Variants in UXS1 observed in about 807,000 individuals in gnomAD.
UXS1 encodes the protein UDP-glucuronate decarboxylase 1, also known as UDP-glucuronic acid decarboxylase 1.
UXS1 carries 33 observed loss-of-function variants against 62.6 expected under a neutral mutation model. The observed-to-expected ratio is 0.53, with a 90% CI of 0.40 to 0.70. The LOEUF (loss-of-function observed/expected upper bound fraction) is 0.70, where lower values mean the gene tolerates loss of function less well. UXS1 is among the 30% of genes least tolerant of loss of function. The probability of loss-of-function intolerance (pLI) is 0.00; values close to 1 mark genes in which losing one functional copy is unlikely to be tolerated. For missense variants in UXS1, 434 were observed against 556.3 expected (o/e 0.78, Z 2.21); for synonymous variants, 213 against 206.8 (o/e 1.03, Z -0.26).
intron 10 of UXS1, among the ~76,000 whole-genome samples, chr2:106,106,963 A>C (rs1355394198): frequency 2.0e-5 from 3 of 152,210 alleles, no homozygotes; most frequent in African/African-American, 7.2e-5. Context: ...TATTGTGTTC[A>C]TAATTTCAGA....
chr2:106,107,102 G>C (rs79893905), intron 10 of UXS1, among the ~76,000 whole-genome samples: 3,078 of 152,234 alleles, frequency 0.02, 45 homozygotes, highest in East Asian at 0.064. Context: ...TCCACAGGTG[G>C]GTTTGGGGCT....
chr2:106,098,472 C>T (rs1677311385), intron 13 of UXS1, among the ~76,000 whole-genome samples: 1 of 152,182 alleles, frequency 6.6e-6, no homozygotes, highest in Non-Finnish European at 1.5e-5. Flanking sequence ...ACACTGGGAG[C>T]AAATCTCCTC....
intron 12 of UXS1, among the ~76,000 whole-genome samples, chr2:106,099,543 G>A (rs1005069198): frequency 6.6e-6 from 1 of 152,132 alleles, no homozygotes; most frequent in African/African-American, 2.4e-5. Context: ...GAAGTGGAGT[G>A]ACGGAAATTT....
At position 106,166,043 on chromosome 2, in the gene UXS1, T is replaced by C; in HGVS notation, c.122+13A>G. The C allele has an allele frequency of 6.2e-7, 1 of 1,610,010 alleles. No homozygotes were observed. Among genetic ancestry groups the C allele is most frequent in the Non-Finnish European group, 8.5e-7 (1 of 1,178,422 alleles). On this transcript the variant is annotated intron_variant, in intron 2 of 14. Coordinates refer to ENST00000283148, the MANE Select transcript of UXS1 (RefSeq NM_001253875.2). ...AATCCAACCACAGTACCCAAGTAAT[T>C]AAAAACAATTACCTCATATTAACGA...
chr2:106,171,027 G>C (rs1265745218), intron 1 of UXS1, among the ~76,000 whole-genome samples: 2 of 152,126 alleles, frequency 1.3e-5, no homozygotes, highest in Non-Finnish European at 2.9e-5. Flanking sequence ...TATTGACAAA[G>C]GGCTTATAAC....
Position 106,112,419 on chromosome 2 carries a change from C to T in UXS1, c.879+227G>A, listed in dbSNP as rs566659993. ...AGGCAGGCAGACCTGGAGGCATGGGCAGGGACCCCAGTGGCCATGGAGGGC... is the reference window on the plus strand; with the variant it reads ...AGGCAGGCAGACCTGGAGGCATGGGTAGGGACCCCAGTGGCCATGGAGGGC... On this transcript the variant is annotated intron_variant, in intron 10 of 14. Transcript: ENST00000283148. Among the ~76,000 whole-genome samples, 4 of 152,338 alleles carry T rather than the reference C, an allele frequency of 2.6e-5. No individual in the cohort carries two copies. In the South Asian group the frequency reaches 8.3e-4, roughly 32 times the overall value.
chr2:106,193,462 T>A (rs1175727804), intron 1 of UXS1, among the ~76,000 whole-genome samples: 3 of 152,046 alleles, frequency 2.0e-5, no homozygotes, highest in African/African-American at 7.2e-5. Flanking sequence ...GGCAGCATGC[T>A]GTGAGCGATG....
chr2:106,138,053 G>T, intron 6 of UXS1: 1 of 400,278 alleles, frequency 2.5e-6, no homozygotes. Context: ...TTACTCTTGA[G>T]GTGACAAGGT....
At chr2:106,144,578 G>A (rs1259794055) in intron 6 of UXS1, among the ~76,000 whole-genome samples, 1 of 152,196 alleles carries the variant, frequency 6.6e-6, no homozygotes, top group Admixed American at 6.5e-5. Context: ...TTTCTCTGGT[G>A]AATTAACATG....
intron 6 of UXS1, chr2:106,138,090 T>TAAAG: frequency 1.2e-6 from 1 of 824,778 alleles, no homozygotes; most frequent in African/African-American, 1.8e-5. Flanking sequence ...GAAACTGCAT[T>TAAAG]AAAGGCTAAG....
At chr2:106,117,146 A>T (rs1679122810) in intron 9 of UXS1, among the ~76,000 whole-genome samples, 1 of 152,154 alleles carries the variant, frequency 6.6e-6, no homozygotes. Context: ...GGGCTGTTCC[A>T]GTGGTCCCAG....
rs79888345 is a variant in UXS1 at position 106,184,797 on chromosome 2, G to A, written c.94+9351C>T. On this transcript the variant is annotated intron_variant, in intron 1 of 14. Coordinates refer to ENST00000283148, the MANE Select transcript of UXS1 (RefSeq NM_001253875.2). ...AACATTCAGATCACAGCACTGGCCT[G>A]TACAGAAGTACCATACATATCATAT... Among the ~76,000 whole-genome samples, 853 of 152,262 alleles carry A rather than the reference G, an allele frequency of 5.6e-3. 6 individuals are homozygous for A. Among genetic ancestry groups the A allele is most frequent in the Non-Finnish European group, 8.5e-3 (576 of 68,026 alleles).
At chr2:106,158,740 C>T (rs1393594124) in intron 4 of UXS1, among the ~76,000 whole-genome samples, 2 of 152,204 alleles carry the variant, frequency 1.3e-5, no homozygotes, top group African/African-American at 4.8e-5. Context: ...AACTGCTTAG[C>T]TTAGCTGGCT....
At chr2:106,171,700 TG>T (rs957875143) in intron 1 of UXS1, among the ~76,000 whole-genome samples, 27 of 152,258 alleles carry the variant, frequency 1.8e-4, no homozygotes, top group African/African-American at 6.5e-4. Flanking sequence ...GTTACAAGGC[TG>T]GATCAGGCAA....
At chr2:106,107,450 G>C (rs7594285) in intron 10 of UXS1, among the ~76,000 whole-genome samples, 112,500 of 152,080 alleles carry the variant, frequency 0.74, 41,903 homozygotes, top group South Asian at 0.79. Context: ...CCATTCCACC[G>C]AAACATGCTG....
chr2:106,121,880 C>T (rs1679551856), intron 9 of UXS1, among the ~76,000 whole-genome samples: 1 of 152,216 alleles, frequency 6.6e-6, no homozygotes, highest in Admixed American at 6.5e-5. Flanking sequence ...CTTTACATTG[C>T]CCTGTCCTCT....
At chr2:106,191,043 T>C (rs1246513250) in intron 1 of UXS1, among the ~76,000 whole-genome samples, 1 of 152,006 alleles carries the variant, frequency 6.6e-6, no homozygotes, top group African/African-American at 2.4e-5. Flanking sequence ...CGGGATTTCA[T>C]TGAGAAAAAA....
chr2:106,178,833 G>A (rs1333855284), intron 1 of UXS1, among the ~76,000 whole-genome samples: 1 of 150,496 alleles, frequency 6.6e-6, no homozygotes, highest in Non-Finnish European at 1.5e-5. Context: ...CACACCCAGT[G>A]CCCCCCAGCC....
At chr2:106,157,768 C>T (rs562619633) in intron 5 of UXS1, among the ~76,000 whole-genome samples, 14 of 152,176 alleles carry the variant, frequency 9.2e-5, no homozygotes, top group African/African-American at 2.4e-4. Flanking sequence ...TTCTTTCAGA[C>T]GAAATGTTCA....
Sources: gnomAD v4.1 joint callset for allele counts (sites outside exome capture counted in the v4.1 genomes callset) on GRCh38, gnomAD v4.1.1 for gene constraint, MANE v1.5 for transcripts, NCBI Gene and HGNC (gene_info 2026-07-23, HGNC 2026-07-21) for gene names.